QSOX1: variants seen among roughly 807,000 people sequenced by gnomAD.
QSOX1 encodes quiescin sulfhydryl oxidase 1.
Under a neutral mutation model 76.1 loss-of-function variants are expected in QSOX1, and 40 were observed. The ratio of observed to expected loss-of-function variants is 0.53; its 90% CI spans 0.41 to 0.68. QSOX1 has a LOEUF of 0.68. Among genes scored for constraint, QSOX1 ranks in the 30% least tolerant of loss-of-function variants. QSOX1 has a pLI of 0.00. For synonymous variants in QSOX1, 392 were observed against 413.1 expected, an observed-to-expected ratio of 0.95 and a Z score of 0.62; for missense variants, 931 against 974.3, an observed-to-expected ratio of 0.96 and a Z score of 0.59.
Position 180,160,410 on chromosome 1 carries a change from C to T in QSOX1, c.265+5238C>T, listed in dbSNP as rs77968709. On this transcript the variant is annotated intron_variant, in intron 1 of 11. Transcript: ENST00000367602. Reference sequence around the variant, plus strand: ...GTTAAATTAAAGCAGGAAGTGAGAACACATGGGTCTAAAAGTCTGACTCTA... The same window carrying T: ...GTTAAATTAAAGCAGGAAGTGAGAATACATGGGTCTAAAAGTCTGACTCTA... Among the ~76,000 whole-genome samples the T allele has an allele frequency of 4.2e-3, 635 of 151,334 alleles. 2 individuals are homozygous for T. Among genetic ancestry groups the T allele is most frequent in the Non-Finnish European group, 7.1e-3 (480 of 67,904 alleles).
intron 10 of QSOX1, among the ~76,000 whole-genome samples, chr1:180,191,399 A>G (rs1464817536): frequency 6.6e-6 from 1 of 152,148 alleles, no homozygotes; most frequent in Non-Finnish European, 1.5e-5. Context: ...TTGAGGGGTG[A>G]TGGGTGAGTA....
chr1:180,194,161 G>A, intron 10 of QSOX1, 52 bp from the exon 11 acceptor site: 7 of 1,543,200 alleles, frequency 4.5e-6, no homozygotes, highest in South Asian at 2.4e-5. Context: ...GGCAACGGCT[G>A]TGGGGCTGGC....
chr1:180,179,052 CT>C (rs1662967028), intron 5 of QSOX1, among the ~76,000 whole-genome samples, 168 bp downstream of exon 5: 1 of 152,246 alleles, frequency 6.6e-6, no homozygotes, highest in South Asian at 2.1e-4. Flanking sequence ...GGAGCTGGAC[CT>C]TTGCGTTTCA....
At chr1:180,184,509 T>C (rs1301787111) in intron 7 of QSOX1, among the ~76,000 whole-genome samples, 1 of 152,218 alleles carries the variant, frequency 6.6e-6, no homozygotes, top group Non-Finnish European at 1.5e-5. Context: ...GCATCCCTTC[T>C]AGGAAGGCAC....
At chr1:180,183,353 C>T (rs1049367744) in intron 6 of QSOX1, among the ~76,000 whole-genome samples, 21 of 130,800 alleles carry the variant, frequency 1.6e-4, no homozygotes, top group African/African-American at 5.5e-4. Flanking sequence ...AGGACTCCTC[C>T]CTGTCGGAAA....
chr1:180,176,230 G>C (rs1394243383), intron 4 of QSOX1, among the ~76,000 whole-genome samples, 197 bp downstream of exon 4: 1 of 152,182 alleles, frequency 6.6e-6, no homozygotes, highest in Non-Finnish European at 1.5e-5. Context: ...GCTTCCTATC[G>C]CACAGGTCCT....
In QSOX1 at chr1:180,202,035, T is replaced by C. The variant is rs1226113161; in HGVS notation, c.*4998T>C. 6.6e-6 allele frequency: 1 copy of C among 152,206 alleles called. No homozygotes were observed. The highest frequency in any genetic ancestry group is 2.4e-5 in the African/African-American group (1 of 41,436). The allele number at this position is 152,206 out of a possible 1,614,324, so 9.4% of individuals were successfully genotyped here. A position where few individuals can be genotyped will look rare whatever the true frequency, so the allele number is the denominator to read the frequency against. ...CCCTCACTGGCCCCATCACTCCAGG[T>C]TGCACTGCTGCCCAGGGGGTTTGTG... On this transcript the variant is annotated 3_prime_UTR_variant, in exon 12 of 12. Coordinates refer to ENST00000367602, the MANE Select transcript of QSOX1 (RefSeq NM_002826.5).
Position 180,155,169 on chromosome 1 carries a change from A to G in QSOX1, c.262A>G (p.Lys88Glu), listed in dbSNP as rs931500881. 3.4e-5 allele frequency: 51 copies of G among 1,505,514 alleles called. No homozygotes were observed. The highest frequency in any genetic ancestry group is 4.1e-5 in the Non-Finnish European group (46 of 1,131,160). 93.3% of individuals were successfully genotyped at this position (1,505,514 alleles called of 1,614,324 possible). A position where few individuals can be genotyped will look rare whatever the true frequency, so the allele number is the denominator to read the frequency against. ...GTGGAAGGCGCTGGCCGAAGACGTC[A>G]AAGGTGAGAAGCGGGGGCGGCCCGC... ...PTWKALAEDV[K>E]AWRPALYLAA... is the part of the protein sequence containing the mutation. The change falls in exon 1 of 12, where the codon AAA becomes GAA. Residue 88 changes from lysine (K) to glutamate (E), a missense_variant. By Grantham distance (56) the Lys-to-Glu change is moderately conservative (BLOSUM62 1). Transcript: ENST00000367602.
chr1:180,158,902 C>T (rs1316965856), intron 1 of QSOX1, among the ~76,000 whole-genome samples: 5 of 152,194 alleles, frequency 3.3e-5, no homozygotes, highest in Admixed American at 6.5e-5. Context: ...TTCATCCTGG[C>T]CCTCGCTGAT....
chr1:180,179,247 C>T lies in QSOX1; in HGVS notation c.606+363C>T, dbSNP rs1455994906. On this transcript the variant is annotated intron_variant, in intron 5 of 11. Transcript: ENST00000367602. The stretch of plus-strand genomic sequence containing the variant: ...GTAGAAGAGGGCTTTGAACCAGGTC[C>T]GTCTGGCTCCAAAGCCAATGTTGTT... Among the ~76,000 whole-genome samples, 9 of 152,190 alleles carry T rather than the reference C, an allele frequency of 5.9e-5. No individual in the cohort carries two copies. In the East Asian group the frequency reaches 9.6e-4, roughly 16 times the overall value.
At position 180,197,464 on chromosome 1, in the gene QSOX1, C is replaced by T. The variant is rs1050683741; in HGVS notation, c.*427C>T. The T allele has an allele frequency of 7.0e-7, 1 of 1,428,016 alleles. No homozygotes were observed. Among genetic ancestry groups the T allele is most frequent in the African/African-American group, 1.4e-5 (1 of 71,122 alleles). The allele number at this position is 1,428,016 out of a possible 1,614,324, so 88.5% of individuals were successfully genotyped here. A position where few individuals can be genotyped will look rare whatever the true frequency, so the allele number is the denominator to read the frequency against. ...GGGCTGGAATGGAACTCCTCACTAG[C>T]TGCTGGGGCTCCGCCCACCCTGCTC... On this transcript the variant is annotated 3_prime_UTR_variant, in exon 12 of 12. Transcript: ENST00000367602.
Position 180,154,887 on chromosome 1 carries a change from G to T in QSOX1, c.-21G>T. 1.4e-6 allele frequency: 2 copies of T among 1,398,528 alleles called. No individual in the cohort carries two copies. Among genetic ancestry groups the T allele is most frequent in the Non-Finnish European group, 1.8e-6 (2 of 1,083,624 alleles). 86.6% of individuals were successfully genotyped at this position (1,398,528 alleles called of 1,614,324 possible). On this transcript the variant is annotated 5_prime_UTR_variant, in exon 1 of 12. Coordinates refer to ENST00000367602, the MANE Select transcript of QSOX1 (RefSeq NM_002826.5). ...CCGACTCATCCGGTGCTTGCGTGTG[G>T]TGGTGAGCGCAGCGCCGAGGATGAG...
chr1:180,157,062 A>G (rs972411631), intron 1 of QSOX1, among the ~76,000 whole-genome samples: 5 of 152,114 alleles, frequency 3.3e-5, no homozygotes, highest in Non-Finnish European at 5.9e-5. Flanking sequence ...CTGCTCCTGG[A>G]TGAGGGTTAC....
intron 2 of QSOX1, among the ~76,000 whole-genome samples, chr1:180,167,557 C>T (rs1662662641): frequency 6.6e-6 from 1 of 152,152 alleles, no homozygotes; most frequent in Non-Finnish European, 1.5e-5. Flanking sequence ...GCCGTGGCTC[C>T]ACCAGGAACA....
At chr1:180,190,262 T>C (rs1663275895) in intron 9 of QSOX1, among the ~76,000 whole-genome samples, 171 bp from the exon 10 acceptor site, 1 of 152,220 alleles carries the variant, frequency 6.6e-6, no homozygotes, top group African/African-American at 2.4e-5. Flanking sequence ...CACAGCTTTT[T>C]AGGTCTGCTG....
intron 6 of QSOX1, among the ~76,000 whole-genome samples, chr1:180,182,757 G>A (rs1663072769): frequency 6.6e-6 from 1 of 152,222 alleles, no homozygotes; most frequent in Non-Finnish European, 1.5e-5. Context: ...AATGCCGAGA[G>A]AAAACAATCA....
At chr1:180,188,253 C>T (rs1663221524) in intron 8 of QSOX1, among the ~76,000 whole-genome samples, 1 of 152,238 alleles carries the variant, frequency 6.6e-6, no homozygotes, top group Admixed American at 6.5e-5. Context: ...TAGCTGCCAG[C>T]CCTGCAGGTG....
At chr1:180,188,086 G>A (rs1381702653) in intron 8 of QSOX1, among the ~76,000 whole-genome samples, 2 of 152,192 alleles carry the variant, frequency 1.3e-5, no homozygotes, top group African/African-American at 4.8e-5. Flanking sequence ...AAGCCCCAGA[G>A]AACTAAAGCA....
intron 1 of QSOX1, among the ~76,000 whole-genome samples, chr1:180,155,967 A>G (rs76221792): frequency 0.032 from 4,843 of 152,318 alleles, 245 homozygotes; most frequent in African/African-American, 0.11. Context: ...ATCAACTGTG[A>G]GACACACTGT....
Sources: gnomAD v4.1 joint callset for allele counts (sites outside exome capture counted in the v4.1 genomes callset) on GRCh38, gnomAD v4.1.1 for gene constraint, MANE v1.5 for transcripts, NCBI Gene and HGNC (gene_info 2026-07-23, HGNC 2026-07-21) for gene names.